VAC14: variants seen among roughly 807,000 people sequenced by gnomAD.
VAC14 encodes VAC14 component of PIKFYVE complex.
Under a neutral mutation model 85.3 loss-of-function variants are expected in VAC14, and 47 were observed. That is an observed-to-expected ratio of 0.55 (90% CI 0.44 to 0.70). VAC14 has a LOEUF of 0.70. Ranked by LOEUF, VAC14 falls within the 30% of genes least tolerant of loss-of-function variation. VAC14 has a pLI of 0.00. For missense variants in VAC14, 861 were observed against 1,004.3 expected (o/e 0.86, Z 1.93); for synonymous variants, 447 against 430.5 (o/e 1.04, Z -0.47).
At chr16:70,792,261 T>C (rs528735846) in intron 1 of VAC14, among the ~76,000 whole-genome samples, 4 of 152,216 alleles carry the variant, frequency 2.6e-5, no homozygotes, top group African/African-American at 7.2e-5. Context: ...CCAGGTTTAG[T>C]GTCTCTTCAA....
At chr16:70,760,037 G>T (rs527662724) in intron 12 of VAC14, among the ~76,000 whole-genome samples, 1 of 152,296 alleles carries the variant, frequency 6.6e-6, no homozygotes, top group South Asian at 2.1e-4. Context: ...AGGGTCTAGC[G>T]CGATTCCTCC....
intron 1 of VAC14, among the ~76,000 whole-genome samples, chr16:70,800,280 G>A (rs183160729): frequency 3.6e-4 from 55 of 152,316 alleles, no homozygotes; most frequent in Middle Eastern, 3.4e-3. Flanking sequence ...TTGCAGGGAA[G>A]GGTGTTATAA....
chr16:70,763,125 C>G, intron 10 of VAC14, 100 bp from the exon 11 acceptor site: 3 of 1,526,116 alleles, frequency 2.0e-6, no homozygotes, highest in Non-Finnish European at 2.7e-6. Context: ...CTGAGTCACA[C>G]ACTGCTAACC....
intron 10 of VAC14, chr16:70,766,604 C>A: frequency 2.2e-6 from 1 of 449,586 alleles, no homozygotes; most frequent in Non-Finnish European, 4.5e-6. Context: ...GGTCCAGAGG[C>A]AGTACGGGAC....
chr16:70,791,675 A>T (rs1435712784), intron 1 of VAC14, among the ~76,000 whole-genome samples: 1 of 152,112 alleles, frequency 6.6e-6, no homozygotes, highest in Admixed American at 6.5e-5. Flanking sequence ...ATGAGCCACC[A>T]TGCCTGGACC....
chr16:70,740,692 A>G (rs2030192418), intron 13 of VAC14, among the ~76,000 whole-genome samples: 2 of 152,162 alleles, frequency 1.3e-5, no homozygotes, highest in Admixed American at 6.5e-5. Flanking sequence ...GGTGTCCCTC[A>G]GCCAGCTTCC....
At position 70,785,685 on chromosome 16, in the gene VAC14, A is replaced by G; in HGVS notation, c.423+17T>C. The G allele has an allele frequency of 6.5e-7, 1 of 1,545,248 alleles. No individual in the cohort carries two copies. Among genetic ancestry groups the G allele is most frequent in the Non-Finnish European group, 8.7e-7 (1 of 1,142,868 alleles). On this transcript the variant is annotated intron_variant, in intron 3 of 18. Transcript: ENST00000261776. ...AACCAAGCGCAGCTCAGTGAGGAGG[A>G]GGAGGAGGGCGGTTACCTTGCTCAG...
intron 14 of VAC14, among the ~76,000 whole-genome samples, chr16:70,707,091 C>T (rs1460584160): frequency 6.6e-6 from 1 of 152,204 alleles, no homozygotes; most frequent in Non-Finnish European, 1.5e-5. Context: ...GAGGGAGTAG[C>T]CTCCCATCTC....
intron 9 of VAC14, among the ~76,000 whole-genome samples, chr16:70,779,536 C>A (rs1394635280): frequency 6.6e-6 from 1 of 152,150 alleles, no homozygotes; most frequent in Non-Finnish European, 1.5e-5. Flanking sequence ...TGCTGTCTTG[C>A]CTCCTTGACT....
At chr16:70,799,526 C>T (rs74024460) in intron 1 of VAC14, among the ~76,000 whole-genome samples, 48 of 152,266 alleles carry the variant, frequency 3.2e-4, no homozygotes, top group African/African-American at 1.1e-3. Context: ...AGTTGTCAAC[C>T]GGGGCAATTT....
chr16:70,695,653 G>C (rs1653940790), intron 16 of VAC14, 30 bp from the exon 17 acceptor site: 1 of 1,606,216 alleles, frequency 6.2e-7, no homozygotes, highest in African/African-American at 1.3e-5. Flanking sequence ...AAGTCTGTCT[G>C]CTGGGCCAGC....
At chr16:70,732,885 G>A (rs937955689) in intron 13 of VAC14, among the ~76,000 whole-genome samples, 5 of 152,074 alleles carry the variant, frequency 3.3e-5, no homozygotes, top group African/African-American at 1.2e-4. Context: ...CTGACCTCAG[G>A]TGATCCACCT....
chr16:70,697,879 T>G (rs2053745826), intron 15 of VAC14, among the ~76,000 whole-genome samples: 1 of 152,158 alleles, frequency 6.6e-6, no homozygotes, highest in Non-Finnish European at 1.5e-5. Flanking sequence ...CCGAGGCTCC[T>G]GGGGAGGGTG....
Position 70,785,880 on chromosome 16 carries a change from G to A in VAC14, c.256-11C>T, listed in dbSNP as rs1231233294. 5.0e-6 allele frequency: 8 copies of A among 1,600,828 alleles called. No homozygotes were observed. In the South Asian group the frequency reaches 7.8e-5, roughly 16 times the overall value. On this transcript the variant is annotated splice_polypyrimidine_tract_variant and intron_variant, in intron 2 of 18. Coordinates refer to ENST00000261776, the MANE Select transcript of VAC14 (RefSeq NM_018052.5). ...GTAGAGCCCTGAGTCCTGCAAGGAG[G>A]CAGGAGGAGAAGACAGATCAGAATG... is the stretch of plus-strand genomic sequence containing the variant.
intron 9 of VAC14, among the ~76,000 whole-genome samples, chr16:70,779,334 G>T (rs9922335): frequency 0.04 from 6,076 of 152,300 alleles, 386 homozygotes; most frequent in African/African-American, 0.13. Context: ...CAATTCTTTT[G>T]GCTCCTGTGG....
chr16:70,772,005 C>T (rs1459270322), intron 10 of VAC14, 104 bp downstream of exon 10: 32 of 1,034,558 alleles, frequency 3.1e-5, no homozygotes, highest in East Asian at 7.4e-5. Context: ...AAGCAGCAGC[C>T]GCGAGTAGAA....
chr16:70,748,475 G>C (rs2031101367), intron 12 of VAC14, among the ~76,000 whole-genome samples: 2 of 152,234 alleles, frequency 1.3e-5, no homozygotes, highest in African/African-American at 4.8e-5. Context: ...TAAGAAGGGA[G>C]AGAATGGCAT....
At position 70,695,583 on chromosome 16, in the gene VAC14, C is replaced by A; in HGVS notation, c.1996G>T (p.Asp666Tyr). Residue 666 changes from aspartate to tyrosine, a missense_variant, in exon 17 of 19, where the codon GAC (aspartate) becomes TAC (tyrosine). Asp to Tyr is a radical substitution (Grantham distance 160). Transcript: ENST00000261776. ...EVTVDFLAEVDKLVQLIECPI... is the reference protein window; with the variant it reads ...EVTVDFLAEVYKLVQLIECPI... The stretch of plus-strand genomic sequence containing the variant: ...CACTCAATCAGCTGCACCAGCTTGT[C>A]CACCTCTGCGAGGAAGTCCACGGTG... 4.3e-6 allele frequency: 7 copies of A among 1,613,958 alleles called. No homozygotes were observed. Among genetic ancestry groups the A allele is most frequent in the Non-Finnish European group, 5.1e-6 (6 of 1,179,986 alleles).
chr16:70,741,506 G>A (rs1326266015), intron 13 of VAC14, among the ~76,000 whole-genome samples: 2 of 152,216 alleles, frequency 1.3e-5, no homozygotes, highest in South Asian at 2.1e-4. Flanking sequence ...CTGTGGACAC[G>A]CGCATGTGCA....
Sources: gnomAD v4.1 joint callset for allele counts (sites outside exome capture counted in the v4.1 genomes callset) on GRCh38, gnomAD v4.1.1 for gene constraint, MANE v1.5 for transcripts, NCBI Gene and HGNC (gene_info 2026-07-23, HGNC 2026-07-21) for gene names.